Variants in SCFD2 observed in about 807,000 individuals in gnomAD.
SCFD2 encodes the protein sec1 family domain containing 2, also known as sec1 family domain-containing protein 2.
In SCFD2, 54 loss-of-function variants were observed where a neutral mutation model predicts 58.9. The ratio of observed to expected loss-of-function variants is 0.92; its 90% CI spans 0.74 to 1.15. The LOEUF (loss-of-function observed/expected upper bound fraction) is 1.15. SCFD2 is among the 50% of genes most tolerant of loss of function. The pLI is 0.00. For synonymous variants in SCFD2, 321 were observed against 335.9 expected (o/e 0.96, Z 0.49); for missense variants, 805 against 836.6 (o/e 0.96, Z 0.47).
chr4:53,329,992 T>C (rs1400830103), intron 2 of SCFD2, among the ~76,000 whole-genome samples: 2 of 151,482 alleles, frequency 1.3e-5, no homozygotes, highest in Non-Finnish European at 2.9e-5. Context: ...AGAAAGGGTA[T>C]CAGCGATGGA....
At chr4:53,183,489 A>T (rs1727645139) in intron 4 of SCFD2, among the ~76,000 whole-genome samples, 1 of 151,640 alleles carries the variant, frequency 6.6e-6, no homozygotes, top group Non-Finnish European at 1.5e-5. Context: ...AACATCACAC[A>T]CCAGGGACTG....
chr4:53,134,680 G>A lies in SCFD2; in HGVS notation c.1561+10653C>T, dbSNP rs757408868. On this transcript the variant is annotated intron_variant, in intron 5 of 8. Coordinates refer to ENST00000401642, the MANE Select transcript of SCFD2 (RefSeq NM_152540.4). The stretch of plus-strand genomic sequence containing the variant: ...TAGCAAAGGAAGCACAGATATAGCT[G>A]TAGCTAGAAAACATACCATCTTGAC... Among the ~76,000 whole-genome samples the A allele has an allele frequency of 1.1e-4, 16 of 152,226 alleles. No homozygotes were observed. In the East Asian group the frequency reaches 2.9e-3, roughly 27 times the overall value.
intron 8 of SCFD2, among the ~76,000 whole-genome samples, chr4:52,878,251 A>C (rs925121709): frequency 3.3e-5 from 5 of 152,222 alleles, no homozygotes; most frequent in African/African-American, 1.2e-4. Flanking sequence ...TTGAGTGAAC[A>C]AAAACCATAC....
intron 5 of SCFD2, among the ~76,000 whole-genome samples, chr4:53,008,633 G>T (rs946689362): frequency 6.6e-6 from 1 of 152,142 alleles, no homozygotes; most frequent in African/African-American, 2.4e-5. Flanking sequence ...CAGGGTCAGG[G>T]AATGGAGAGG....
rs1733033454 is a variant in SCFD2, at chr4:53,321,773, A to G, written c.1008-8010T>C. ...CAATTACATCTTTAACAAATGTACC[A>G]ATTAATCTTCATCTCAATAGAAGCA... On this transcript the variant is annotated intron_variant, in intron 2 of 8. Coordinates refer to ENST00000401642, the MANE Select transcript of SCFD2 (RefSeq NM_152540.4). 2.6e-5 allele frequency among the ~76,000 whole-genome samples: 4 copies of G among 152,340 alleles called. No individual in the cohort carries two copies. In the South Asian group the frequency reaches 8.3e-4, roughly 32 times the overall value.
intron 5 of SCFD2, among the ~76,000 whole-genome samples, chr4:53,069,166 G>T (rs1315259050): frequency 4.6e-5 from 7 of 152,032 alleles, no homozygotes; most frequent in Non-Finnish European, 1.0e-4. Flanking sequence ...AGAAGGGAAT[G>T]CCTGGGCTTG....
chr4:53,133,055 G>A (rs1316989955), intron 5 of SCFD2, among the ~76,000 whole-genome samples: 2 of 152,122 alleles, frequency 1.3e-5, no homozygotes, highest in Non-Finnish European at 2.9e-5. Context: ...GAGGCCGGGT[G>A]CGGTGGCTCA....
chr4:53,258,538 GTATATA>G (rs59321045), intron 4 of SCFD2, among the ~76,000 whole-genome samples: 4,690 of 119,878 alleles, frequency 0.039, 235 homozygotes, highest in African/African-American at 0.085. Context: ...TGGTGTGTGT[GTATATA>G]TATATATATA....
intron 5 of SCFD2, among the ~76,000 whole-genome samples, chr4:53,134,601 C>A (rs189945822): frequency 1.3e-5 from 2 of 152,152 alleles, no homozygotes; most frequent in Admixed American, 1.3e-4. Context: ...TATTCCAATT[C>A]GAGTAACAGG....
intron 4 of SCFD2, among the ~76,000 whole-genome samples, chr4:53,247,952 A>T (rs1374805097): frequency 6.6e-6 from 1 of 151,950 alleles, no homozygotes; most frequent in Non-Finnish European, 1.5e-5. Context: ...GCTCCGGTCT[A>T]CAGCTGCCAG....
At chr4:53,218,312 C>G (rs1234891452) in intron 4 of SCFD2, among the ~76,000 whole-genome samples, 1 of 152,182 alleles carries the variant, frequency 6.6e-6, no homozygotes, top group East Asian at 1.9e-4. Context: ...TTTCACATGT[C>G]CCATATTTCT....
At chr4:53,007,408 AGGGAGGG>A (rs1560508114) in intron 5 of SCFD2, among the ~76,000 whole-genome samples, 26 of 72,738 alleles carry the variant, frequency 3.6e-4, no homozygotes, top group African/African-American at 8.8e-4. Context: ...GAAGGAAGGG[AGGGAGGG>A]AGGGAGGGAG....
intron 4 of SCFD2, among the ~76,000 whole-genome samples, chr4:53,217,209 T>G (rs937793545): frequency 1.3e-4 from 20 of 152,156 alleles, no homozygotes; most frequent in African/African-American, 4.1e-4. Context: ...CTTATTAACT[T>G]TCTGTCTCGT....
intron 3 of SCFD2, among the ~76,000 whole-genome samples, chr4:53,309,788 T>C: frequency 6.6e-6 from 1 of 152,182 alleles, no homozygotes; most frequent in South Asian, 2.1e-4. Flanking sequence ...CAAATAACCT[T>C]ATAATTTAGT....
chr4:52,994,924 G>T (rs1721708584), intron 5 of SCFD2, among the ~76,000 whole-genome samples: 3 of 152,050 alleles, frequency 2.0e-5, no homozygotes, highest in African/African-American at 4.8e-5. Context: ...TTGCTGGAGA[G>T]GACATTAATT....
chr4:52,873,997 T>TCAGTTG lies in SCFD2; in HGVS notation c.2021_2026dup (p.Ala674_Thr675dup), dbSNP rs2109434910. 1 of 1,614,066 alleles carries TCAGTTG rather than the reference T, an allele frequency of 6.2e-7. No individual in the cohort carries two copies. The highest frequency in any genetic ancestry group is 8.5e-7 in the Non-Finnish European group (1 of 1,179,954). Reference sequence around the variant, plus strand: ...GAAGCCAAGGTCTGGATGCAGTCGGTCAGTTGCAAATAACAGCTCAGGAAT... The same window carrying TCAGTTG: ...GAAGCCAAGGTCTGGATGCAGTCGGTCAGTTGCAGTTGCAAATAACAGCTCAGGAAT... On this transcript the variant is annotated inframe_insertion, in exon 9 of 9. Transcript: ENST00000401642.
chr4:52,991,504 T>C (rs1038122382), intron 5 of SCFD2, among the ~76,000 whole-genome samples: 5 of 152,064 alleles, frequency 3.3e-5, no homozygotes, highest in Admixed American at 6.6e-5. Context: ...ATCTGGAGGA[T>C]CAAGGAAATT....
At chr4:53,140,241 A>T (rs899989395) in intron 5 of SCFD2, among the ~76,000 whole-genome samples, 1 of 151,550 alleles carries the variant, frequency 6.6e-6, no homozygotes, top group African/African-American at 2.4e-5. Flanking sequence ...AAAAAGAAAA[A>T]GGGATATCAT....
At chr4:53,197,381 G>T (rs1355091424) in intron 4 of SCFD2, among the ~76,000 whole-genome samples, 2 of 151,988 alleles carry the variant, frequency 1.3e-5, no homozygotes, top group Non-Finnish European at 2.9e-5. Flanking sequence ...ACAGTAGGGG[G>T]CAGTATTGTA....
Sources: allele counts gnomAD v4.1 joint callset (sites outside exome capture counted in the v4.1 genomes callset), GRCh38; gene constraint gnomAD v4.1.1; transcripts MANE v1.5; gene names NCBI Gene and HGNC (gene_info 2026-07-23, HGNC 2026-07-21).